Variants in DPH6 observed in about 807,000 individuals in gnomAD.
DPH6 encodes diphthine--ammonia ligase.
In DPH6, 33 loss-of-function variants were observed where a neutral mutation model predicts 38.2. That is an observed-to-expected ratio of 0.86 (90% CI 0.65 to 1.15). The LOEUF is 1.15. Ranked by LOEUF, DPH6 falls within the 50% of genes most tolerant of loss-of-function variation. The pLI is 0.00. For synonymous variants in DPH6, 108 were observed against 103.0 expected (o/e 1.05, Z -0.30); for missense variants, 325 against 320.0 (o/e 1.02, Z -0.12).
chr15:35,495,418 G>A (rs1218641385), intron 3 of DPH6, among the ~76,000 whole-genome samples: 3 of 152,112 alleles, frequency 2.0e-5, no homozygotes, highest in Admixed American at 1.3e-4. Context: ...CCAGAAGTGT[G>A]AGGAAATAAA....
intron 5 of DPH6, among the ~76,000 whole-genome samples, chr15:35,415,379 AT>A (rs1362453912): frequency 1.3e-5 from 2 of 152,014 alleles, no homozygotes; most frequent in African/African-American, 4.8e-5. Context: ...AAGTAAATAT[AT>A]GCAAATATAT....
In DPH6 at chr15:35,425,867, C is replaced by T. The variant is rs149180838; in HGVS notation, c.506-14971G>A. Among the ~76,000 whole-genome samples the T allele has an allele frequency of 5.3e-3, 791 of 149,946 alleles. 3 individuals carry two copies. The highest frequency in any genetic ancestry group is 7.9e-3 in the Non-Finnish European group (527 of 67,132). ...ATATATATCCTATCCATATAACCAG[C>T]ACCAAAAAGTTATATGCCTAAGTTA... is the stretch of plus-strand genomic sequence containing the variant. On this transcript the variant is annotated intron_variant, in intron 5 of 8. Transcript: ENST00000256538.
chr15:35,219,771 T>TA (rs1319856648), exon 4 of DPH6: 2 of 152,198 alleles, frequency 1.3e-5, no homozygotes, highest in Non-Finnish European at 2.9e-5. Flanking sequence ...CAATATTGTT[T>TA]AAAAAAACTA....
intron 1 of DPH6, among the ~76,000 whole-genome samples, chr15:35,542,965 T>TATATATATATATATATATTTAA (rs58422347): frequency 1.3e-5 from 1 of 76,178 alleles, no homozygotes; most frequent in Non-Finnish European, 2.6e-5. Context: ...TATATATATA[T>TATATATATATATATATATTTAA]AAAATAATTT....
At chr15:35,282,995 C>CATA (rs1175549711) in intron 3 of DPH6, 2 of 234,096 alleles carry the variant, frequency 8.5e-6, no homozygotes, top group Non-Finnish European at 1.7e-5. Flanking sequence ...TGAATATCAT[C>CATA]ATCATCTTCT....
intron 5 of DPH6, among the ~76,000 whole-genome samples, chr15:35,416,625 T>G (rs893445735): frequency 6.6e-6 from 1 of 152,076 alleles, no homozygotes; most frequent in Non-Finnish European, 1.5e-5. Flanking sequence ...TGTACTTGAT[T>G]ATAATAACTA....
chr15:35,466,344 C>T (rs1255162317), intron 3 of DPH6, among the ~76,000 whole-genome samples: 1 of 152,070 alleles, frequency 6.6e-6, no homozygotes, highest in Admixed American at 6.5e-5. Context: ...CTCCTAATTG[C>T]TTATTGGGAG....
chr15:35,208,158 T>G, the DPH6 span, among the ~76,000 whole-genome samples: 2 of 152,248 alleles, frequency 1.3e-5, no homozygotes, highest in Non-Finnish European at 2.9e-5. Flanking sequence ...TGAAATTTTA[T>G]ATCATTTTAT....
intron 3 of DPH6, chr15:35,298,549 C>T (rs1201296972): frequency 1.3e-6 from 1 of 783,364 alleles, no homozygotes; most frequent in Non-Finnish European, 2.4e-6. Context: ...TATTAAGACA[C>T]TTAAGTATTT....
intron 6 of DPH6, among the ~76,000 whole-genome samples, chr15:35,382,845 TA>T (rs1415442836): frequency 3.4e-5 from 5 of 146,348 alleles, no homozygotes; most frequent in African/African-American, 5.1e-5. Flanking sequence ...AACCTGAAAT[TA>T]AAAAAAAGAA....
chr15:35,365,427 C>T (rs1185849437), intron 3 of DPH6, among the ~76,000 whole-genome samples: 2 of 151,988 alleles, frequency 1.3e-5, no homozygotes, highest in East Asian at 1.9e-4. Flanking sequence ...ATGAATAAAT[C>T]GTATGAGGAT....
the DPH6 span, among the ~76,000 whole-genome samples, chr15:35,177,600 AATC>A: frequency 5.9e-4 from 80 of 134,456 alleles, no homozygotes; most frequent in East Asian, 2.7e-3. Flanking sequence ...AAAAAAAAAA[AATC>A]ATCATCATCA....
At chr15:35,309,408 CTGAT>C (rs1156436515) in intron 3 of DPH6, among the ~76,000 whole-genome samples, 1 of 152,124 alleles carries the variant, frequency 6.6e-6, no homozygotes, top group Non-Finnish European at 1.5e-5. Context: ...GGTAGAATGA[CTGAT>C]TGTGGCAATG....
chr15:35,502,351 A>T (rs1285811344), intron 3 of DPH6, among the ~76,000 whole-genome samples: 1 of 152,090 alleles, frequency 6.6e-6, no homozygotes, highest in African/African-American at 2.4e-5. Context: ...AAGAAAAAAT[A>T]AGCAAAGTGA....
At chr15:35,516,347 G>T (rs16961158) in intron 3 of DPH6, among the ~76,000 whole-genome samples, 1 of 152,048 alleles carries the variant, frequency 6.6e-6, no homozygotes, top group African/African-American at 2.4e-5. Flanking sequence ...CTAGTGACAA[G>T]TAAGTATGTA....
chr15:35,401,104 A>T lies in DPH6; in HGVS notation c.567+9731T>A, dbSNP rs149900889. 1,551 of 902,624 alleles carry T rather than the reference A, an allele frequency of 1.7e-3. 6 individuals are homozygous for T. Among genetic ancestry groups the T allele is most frequent in the Middle Eastern group, 8.2e-3 (25 of 3,064 alleles). 55.9% of individuals were successfully genotyped at this position (902,624 alleles called of 1,614,324 possible). A position where few individuals can be genotyped will look rare whatever the true frequency, so the allele number is the denominator to read the frequency against. On this transcript the variant is annotated intron_variant, in intron 6 of 8. Coordinates refer to ENST00000256538, the MANE Select transcript of DPH6 (RefSeq NM_080650.4). ...GAAGAAAAGGGGCTTTGCCTTTGTA[A>T]CCTTTGATGACCATGACTTTGTGGA...
downstream of DPH6, among the ~76,000 whole-genome samples, chr15:35,368,462 G>T (rs551138513): frequency 3.3e-5 from 5 of 151,958 alleles, no homozygotes; most frequent in East Asian, 9.7e-4. Context: ...GGAATTTTGT[G>T]CAGGGAGTCA....
At chr15:35,225,916 T>C (rs921655450) in intron 3 of DPH6, among the ~76,000 whole-genome samples, 1 of 152,230 alleles carries the variant, frequency 6.6e-6, no homozygotes, top group Non-Finnish European at 1.5e-5. Flanking sequence ...ATATTTTTTA[T>C]TTGTGATTTT....
chr15:35,207,714 A>C, the DPH6 span, among the ~76,000 whole-genome samples: 2 of 152,212 alleles, frequency 1.3e-5, no homozygotes, highest in Non-Finnish European at 2.9e-5. Flanking sequence ...CAGTCTATAG[A>C]TTTCAACTGA....
Sources: gnomAD v4.1 joint callset for allele counts (sites outside exome capture counted in the v4.1 genomes callset) on GRCh38, gnomAD v4.1.1 for gene constraint, MANE v1.5 for transcripts, NCBI Gene and HGNC (gene_info 2026-07-23, HGNC 2026-07-21) for gene names.